The following TCP11L2 variants were observed in gnomAD, a reference collection of about 807,000 sequenced individuals.
TCP11L2 encodes t-complex 11 like 2.
A neutral mutation model predicts 50.7 loss-of-function variants in TCP11L2; 39 were observed. The ratio of observed to expected loss-of-function variants is 0.77; its 90% CI spans 0.60 to 1.01. The LOEUF is 1.01. TCP11L2 is among the 50% of genes least tolerant of loss of function. The pLI is 0.00. For synonymous variants in TCP11L2, 192 were observed against 219.3 expected, an observed-to-expected ratio of 0.88 and a Z score of 1.10; for missense variants, 612 against 614.7, an observed-to-expected ratio of 1.00 and a Z score of 0.05.
At chr12:106,302,320 C>CAGCCCCCGCTCAGCCCCCGCTCAG (rs199615546), upstream of TCP11L2, among the ~76,000 whole-genome samples, 1 of 40,074 alleles carries the variant, frequency 2.5e-5, no homozygotes, top group Non-Finnish European at 5.6e-5. Context: ...AGCCCCCGCT[C>CAGCCCCCGCTCAGCCCCCGCTCAG]CCCCCGCTCA....
chr12:106,329,004 A>G (rs372186116), intron 6 of TCP11L2, among the ~76,000 whole-genome samples: 1 of 152,222 alleles, frequency 6.6e-6, no homozygotes, highest in East Asian at 1.9e-4. Context: ...ACAAAAGAAA[A>G]CATGGAACCA....
At chr12:106,330,431 G>T (rs2035706064) in intron 6 of TCP11L2, 2 of 474,454 alleles carry the variant, frequency 4.2e-6, no homozygotes, top group Non-Finnish European at 5.5e-6. Context: ...CATCCTGGCA[G>T]GGCAGGGCGG....
intron 9 of TCP11L2, among the ~76,000 whole-genome samples, chr12:106,344,684 T>A (rs2036182180): frequency 6.6e-6 from 1 of 152,232 alleles, no homozygotes; most frequent in Admixed American, 6.5e-5. Flanking sequence ...TTGTCTATAT[T>A]CAATGTGGCA....
At chr12:106,305,829 G>T (rs1193112927) in intron 1 of TCP11L2, among the ~76,000 whole-genome samples, 1 of 152,160 alleles carries the variant, frequency 6.6e-6, no homozygotes, top group East Asian at 1.9e-4. Flanking sequence ...AGGTATGAGT[G>T]CCCCGAAATA....
chr12:106,323,751 TA>T (rs993541064), intron 6 of TCP11L2, 105 bp downstream of exon 6: 75 of 443,132 alleles, frequency 1.7e-4, no homozygotes, highest in African/African-American at 4.0e-4. Context: ...AATTAATAAA[TA>T]AATAAAATTT....
intron 6 of TCP11L2, chr12:106,330,386 A>T (rs181167116): frequency 1.1e-6 from 1 of 889,594 alleles, no homozygotes; most frequent in East Asian, 1.2e-4. Flanking sequence ...CCCGCCCCAC[A>T]ACATTTGGCC....
intron 2 of TCP11L2, chr12:106,312,460 A>G: frequency 8.6e-7 from 1 of 1,161,140 alleles, no homozygotes; most frequent in Non-Finnish European, 1.1e-6. Flanking sequence ...CTCACTCTTT[A>G]TACTGTATGT....
In TCP11L2 at chr12:106,316,221, CT is replaced by C. The variant is rs2035073535; in HGVS notation, c.293+1731del. Among the ~76,000 whole-genome samples, 4 of 149,682 alleles carry C rather than the reference CT, an allele frequency of 2.7e-5. No individual in the cohort carries two copies. The South Asian group carries it at 8.8e-4, about 33-fold the overall frequency. The stretch of plus-strand genomic sequence containing the variant: ...CAGTCCTAACTGGTTGCCGTGTCTC[CT>C]TTCTTAGCCCCCAACAGTTCATCTT... On this transcript the variant is annotated intron_variant, in intron 3 of 9. Transcript: ENST00000299045.
chr12:106,303,841 A>G (rs1314273764), intron 1 of TCP11L2: 1 of 152,226 alleles, frequency 6.6e-6, no homozygotes, highest in Admixed American at 6.5e-5. Context: ...GTAAGGAGGG[A>G]GACGTAGAAA....
intron 6 of TCP11L2, among the ~76,000 whole-genome samples, chr12:106,332,434 T>C (rs2035778138): frequency 6.6e-6 from 1 of 152,164 alleles, no homozygotes. Flanking sequence ...ATAAACAGAC[T>C]GTGGTATATC....
chr12:106,331,833 C>T (rs182962031), intron 6 of TCP11L2, among the ~76,000 whole-genome samples: 5 of 152,300 alleles, frequency 3.3e-5, no homozygotes, highest in Admixed American at 3.3e-4. Context: ...ATGTTGATTG[C>T]TTTGATATTA....
intron 2 of TCP11L2, among the ~76,000 whole-genome samples, chr12:106,313,866 C>T (rs1467851382): frequency 6.7e-6 from 1 of 149,620 alleles, no homozygotes; most frequent in African/African-American, 2.5e-5. Flanking sequence ...CCTGGGTTCA[C>T]GCCATTCTCC....
intron 8 of TCP11L2, among the ~76,000 whole-genome samples, chr12:106,336,631 C>T (rs1175593453): frequency 2.0e-5 from 3 of 147,436 alleles, no homozygotes; most frequent in Non-Finnish European, 4.4e-5. Context: ...CAGCTCACTG[C>T]AACCTCCGCC....
In TCP11L2 at chr12:106,340,973, G is replaced by T. The variant is rs1190372807; in HGVS notation, c.1290G>T (p.Glu430Asp). ...LIGQFSSIEE[E>D]DNPIWSLIDK... is the part of the protein sequence containing the mutation. ...GTCAATTTTCAAGCATTGAAGAGGA[G>T]GACAATCCTATCTGGTCCTTGATTG... Residue 430 changes from glutamate to aspartate, a missense_variant, in exon 9 of 10, where the codon GAG becomes GAT. Physicochemically the swap from Glu to Asp is conservative, Grantham distance 45. Coordinates refer to ENST00000299045, the MANE Select transcript of TCP11L2 (RefSeq NM_152772.3). 3 of 1,610,790 alleles carry T rather than the reference G, an allele frequency of 1.9e-6. No individual in the cohort carries two copies. Among genetic ancestry groups the T allele is most frequent in the Admixed American group, 1.7e-5 (1 of 59,230 alleles).
intron 1 of TCP11L2, among the ~76,000 whole-genome samples, chr12:106,310,153 G>A (rs1456969740): frequency 1.3e-5 from 2 of 152,108 alleles, no homozygotes; most frequent in Non-Finnish European, 2.9e-5. Context: ...CAAACCTGAC[G>A]GCCCTTCCCT....
chr12:106,326,025 C>G (rs1245743729), intron 6 of TCP11L2: 1 of 152,024 alleles, frequency 6.6e-6, no homozygotes, highest in Non-Finnish European at 1.5e-5. Context: ...ACTGTTATTC[C>G]CTTTATCTTA....
chr12:106,299,437 C>T (rs2034380925), upstream of TCP11L2, among the ~76,000 whole-genome samples: 1 of 152,132 alleles, frequency 6.6e-6, no homozygotes, highest in Non-Finnish European at 1.5e-5. Flanking sequence ...GAGATCAGGA[C>T]CAGTTACATA....
Position 106,336,044 on chromosome 12 carries a change from G to C in TCP11L2, c.973G>C (p.Asp325His). 6.2e-7 allele frequency: 1 copy of C among 1,610,738 alleles called. No individual in the cohort carries two copies. ...KKELPETLMT[D>H]GARLQELTEK... is the part of the protein sequence containing the mutation. ...ATAAATATGTTAGACACTTATGACA[G>C]ATGGAGCACGTCTTCAGGAACTAAC... Residue 325 changes from aspartate (D) to histidine (H), a missense_variant, in exon 8 of 10, where the codon GAT becomes CAT. Transcript: ENST00000299045.
intron 8 of TCP11L2, among the ~76,000 whole-genome samples, chr12:106,337,753 A>G (rs2035966179): frequency 6.6e-6 from 1 of 152,202 alleles, no homozygotes; most frequent in African/African-American, 2.4e-5. Flanking sequence ...ATTAATATCT[A>G]CCTTGGAGTT....
Sources: gnomAD v4.1 joint callset for allele counts (sites outside exome capture counted in the v4.1 genomes callset) on GRCh38, gnomAD v4.1.1 for gene constraint, MANE v1.5 for transcripts, NCBI Gene and HGNC (gene_info 2026-07-23, HGNC 2026-07-21) for gene names.